Variants in DTNB observed in about 807,000 individuals in gnomAD.
DTNB encodes dystrobrevin beta.
DTNB carries 63 observed loss-of-function variants against 90.7 expected under a neutral mutation model. The observed-to-expected ratio is 0.69, with a 90% CI of 0.57 to 0.86. The LOEUF (loss-of-function observed/expected upper bound fraction) is 0.86, where lower values mean the gene tolerates loss of function less well. Ranked by LOEUF, DTNB falls within the 40% of genes least tolerant of loss-of-function variation. The probability of loss-of-function intolerance (pLI) is 0.00; values close to 1 mark genes in which losing one functional copy is unlikely to be tolerated. For synonymous variants in DTNB, 277 were observed against 286.7 expected, an observed-to-expected ratio of 0.97 and a Z score of 0.34; for missense variants, 744 against 807.1, an observed-to-expected ratio of 0.92 and a Z score of 0.95.
At chr2:25,628,059 T>C (rs1025777136) in intron 4 of DTNB, 112 bp downstream of exon 4, 11 of 1,158,650 alleles carry the variant, frequency 9.5e-6, no homozygotes, top group Middle Eastern at 2.7e-4. Flanking sequence ...TTAATCATGA[T>C]TCTAAGTTGC....
At chr2:25,382,889 G>A (rs1407161056) in intron 19 of DTNB, among the ~76,000 whole-genome samples, 1 of 152,142 alleles carries the variant, frequency 6.6e-6, no homozygotes, top group Non-Finnish European at 1.5e-5. Context: ...TTCCTCATGG[G>A]TAAAATGGGG....
At chr2:25,582,230 G>A (rs537296140) in intron 6 of DTNB, among the ~76,000 whole-genome samples, 16 of 152,162 alleles carry the variant, frequency 1.1e-4, no homozygotes, top group African/African-American at 3.6e-4. Flanking sequence ...GAGGAGTGAA[G>A]ACACTGTGAT....
chr2:25,459,664 T>C (rs1187192069), intron 10 of DTNB, among the ~76,000 whole-genome samples: 1 of 152,136 alleles, frequency 6.6e-6, no homozygotes, highest in African/African-American at 2.4e-5. Flanking sequence ...CAGCTAATTT[T>C]TGTATTTTTA....
chr2:25,438,461 T>C (rs1412063530), intron 12 of DTNB, among the ~76,000 whole-genome samples: 1 of 152,152 alleles, frequency 6.6e-6, no homozygotes, highest in African/African-American at 2.4e-5. Flanking sequence ...CTCTGAGCCA[T>C]GGAGAGGAGT....
At chr2:25,444,838 T>A (rs1258942309) in intron 12 of DTNB, among the ~76,000 whole-genome samples, 2 of 152,214 alleles carry the variant, frequency 1.3e-5, no homozygotes, top group African/African-American at 4.8e-5. Context: ...AGCACTTGTA[T>A]CAATGTGAGA....
At chr2:25,512,464 C>G (rs2074143976) in intron 9 of DTNB, among the ~76,000 whole-genome samples, 1 of 152,342 alleles carries the variant, frequency 6.6e-6, no homozygotes, top group East Asian at 1.9e-4. Context: ...TAAAGATGTA[C>G]AATCCCAGCC....
At chr2:25,400,049 C>A (rs988023325) in intron 16 of DTNB, among the ~76,000 whole-genome samples, 1 of 152,166 alleles carries the variant, frequency 6.6e-6, no homozygotes, top group Non-Finnish European at 1.5e-5. Context: ...CTGCTGGCCA[C>A]GTAGGCCTTG....
chr2:25,436,011 A>T (rs904081822), intron 12 of DTNB, among the ~76,000 whole-genome samples: 2 of 152,200 alleles, frequency 1.3e-5, no homozygotes, highest in African/African-American at 2.4e-5. Flanking sequence ...TTGCATATCC[A>T]CTGATATTTC....
chr2:25,486,150 AAAAT>A (rs869129574), intron 9 of DTNB, among the ~76,000 whole-genome samples: 5 of 151,152 alleles, frequency 3.3e-5, no homozygotes, highest in African/African-American at 7.3e-5. Context: ...AAAATAAAAT[AAAAT>A]AAAAAAATAA....
At chr2:25,504,861 A>C (rs1168578277) in intron 9 of DTNB, among the ~76,000 whole-genome samples, 1 of 152,170 alleles carries the variant, frequency 6.6e-6, no homozygotes, top group Non-Finnish European at 1.5e-5. Context: ...TGATGAGCTG[A>C]CTCTAAATGC....
chr2:25,451,619 T>C lies in DTNB; in HGVS notation c.1186A>G (p.Ser396Gly), dbSNP rs375089977. The stretch of plus-strand genomic sequence containing the variant: ...AGACGGTGTTCCTCATCCAGTCGGC[T>C]AGGACTGTCCAGAACACTGCCAAGG... ...QHCARVLDSP[S>G]RLDEEHRLIA... Residue 396 changes from serine to glycine, a missense_variant, in exon 12 of 21, where the codon AGC becomes GGC. Physicochemically the swap from Ser to Gly is moderately conservative, Grantham distance 56. Transcript: ENST00000406818. 1.2e-5 allele frequency: 19 copies of C among 1,602,114 alleles called. No homozygotes were observed. The highest frequency in any genetic ancestry group is 3.4e-5 in the South Asian group (3 of 88,392).
intron 9 of DTNB, among the ~76,000 whole-genome samples, chr2:25,495,672 A>G (rs2068683346): frequency 6.6e-6 from 1 of 152,196 alleles, no homozygotes; most frequent in African/African-American, 2.4e-5. Flanking sequence ...GTAATGGACC[A>G]ACCATTTCTT....
intron 20 of DTNB, 43 bp downstream of exon 20, chr2:25,379,247 G>A: frequency 7.6e-7 from 1 of 1,307,644 alleles, no homozygotes; most frequent in South Asian, 2.7e-5. Flanking sequence ...TGCTGAGGAA[G>A]GAGGGAGGGG....
chr2:25,531,827 A>G (rs1037818616), intron 8 of DTNB, among the ~76,000 whole-genome samples: 1 of 152,182 alleles, frequency 6.6e-6, no homozygotes, highest in African/African-American at 2.4e-5. Flanking sequence ...ATAAAGTCAC[A>G]CTATCAAGTA....
At chr2:25,573,965 C>T (rs138664594) in intron 8 of DTNB, among the ~76,000 whole-genome samples, 44 of 152,274 alleles carry the variant, frequency 2.9e-4, no homozygotes, top group African/African-American at 9.9e-4. Flanking sequence ...TCACCCTCCG[C>T]GGAGTCCTAA....
intron 10 of DTNB, among the ~76,000 whole-genome samples, chr2:25,458,635 A>ATATT (rs777004287): frequency 1.4e-3 from 218 of 151,008 alleles, no homozygotes; most frequent in Middle Eastern, 6.8e-3. Context: ...CACCCGGCTA[A>ATATT]TATTTATTTA....
In DTNB at chr2:25,656,524, A is replaced by C. The variant is rs1035182913; in HGVS notation, c.-1-3863T>G. 2.0e-5 allele frequency among the ~76,000 whole-genome samples: 3 copies of C among 152,158 alleles called. No homozygotes were observed. In the South Asian group the frequency reaches 6.2e-4, roughly 32 times the overall value. On this transcript the variant is annotated intron_variant, in intron 1 of 20. Coordinates refer to ENST00000406818, the MANE Select transcript of DTNB (RefSeq NM_021907.5). ...TAGCCACACAATCTAGAGATAACCA[A>C]TATCATTACCTTCACACTAACTCTA... is the stretch of plus-strand genomic sequence containing the variant.
intron 1 of DTNB, among the ~76,000 whole-genome samples, chr2:25,662,681 A>ACACAAACACAC (rs35419647): frequency 5.2e-3 from 546 of 104,520 alleles, no homozygotes; most frequent in Middle Eastern, 0.018. Context: ...CACACACACA[A>ACACAAACACAC]ACACACACAC....
intron 10 of DTNB, among the ~76,000 whole-genome samples, chr2:25,475,422 CAGA>C (rs1253618662): frequency 1.3e-5 from 2 of 152,208 alleles, no homozygotes; most frequent in African/African-American, 4.8e-5. Flanking sequence ...GAGCAAGTTG[CAGA>C]AGAAGAGCTG....
Sources: gnomAD v4.1 joint callset for allele counts (sites outside exome capture counted in the v4.1 genomes callset) on GRCh38, gnomAD v4.1.1 for gene constraint, MANE v1.5 for transcripts, NCBI Gene and HGNC (gene_info 2026-07-23, HGNC 2026-07-21) for gene names.